ASCC2: variants seen among roughly 807,000 people sequenced by gnomAD.
ASCC2 encodes the protein activating signal cointegrator 1 complex subunit 2.
A neutral mutation model predicts 93.5 loss-of-function variants in ASCC2; 42 were observed. The observed-to-expected ratio is 0.45, with a 90% CI of 0.35 to 0.58. The LOEUF (loss-of-function observed/expected upper bound fraction) is 0.58, where lower values mean the gene tolerates loss of function less well. ASCC2 is among the 20% of genes least tolerant of loss of function. The probability of loss-of-function intolerance (pLI) is 0.00; values close to 1 mark genes in which losing one functional copy is unlikely to be tolerated. For synonymous variants in ASCC2, 364 were observed against 384.2 expected (o/e 0.95, Z 0.62); for missense variants, 859 against 977.6 (o/e 0.88, Z 1.62).
At chr22:29,791,485 G>C (rs2057738436) in intron 18 of ASCC2, among the ~76,000 whole-genome samples, 1 of 152,168 alleles carries the variant, frequency 6.6e-6, no homozygotes. Context: ...TTGGAGACCA[G>C]CCTGGCCAAC....
chr22:29,804,882 A>G (rs1307728790), intron 12 of ASCC2, 52 bp from the exon 13 acceptor site: 7 of 1,575,016 alleles, frequency 4.4e-6, no homozygotes, highest in African/African-American at 1.3e-5. Context: ...CTGAAGCAGC[A>G]TAATTTCTCA....
At chr22:29,820,309 C>G (rs1382642153) in intron 5 of ASCC2, among the ~76,000 whole-genome samples, 1 of 152,022 alleles carries the variant, frequency 6.6e-6, no homozygotes, top group Non-Finnish European at 1.5e-5. Context: ...ATTACAGGTG[C>G]ACACCACCAC....
At chr22:29,832,962 A>G (rs374711834) in intron 1 of ASCC2, among the ~76,000 whole-genome samples, 2 of 152,142 alleles carry the variant, frequency 1.3e-5, no homozygotes, top group African/African-American at 4.8e-5. Flanking sequence ...AGTTCTTACT[A>G]CATCACTCGG....
At chr22:29,831,672 CCTT>C (rs1245251080) in intron 2 of ASCC2, among the ~76,000 whole-genome samples, 1 of 152,200 alleles carries the variant, frequency 6.6e-6, no homozygotes, top group African/African-American at 2.4e-5. Context: ...ACATCTATCT[CCTT>C]CTTCAGCAGC....
At chr22:29,821,524 TC>T (rs2061550213) in intron 5 of ASCC2, among the ~76,000 whole-genome samples, 1 of 152,206 alleles carries the variant, frequency 6.6e-6, no homozygotes, top group African/African-American at 2.4e-5. Flanking sequence ...AGCACTTATC[TC>T]ACAGGGCTGC....
intron 8 of ASCC2, among the ~76,000 whole-genome samples, chr22:29,813,061 A>G (rs1053985396): frequency 3.3e-5 from 5 of 152,064 alleles, no homozygotes; most frequent in African/African-American, 1.2e-4. Flanking sequence ...TTGTATTTTT[A>G]GTAGAGATGG....
In ASCC2 at chr22:29,812,924, C is replaced by T. The variant is rs539121858; in HGVS notation, c.833+506G>A. 5.9e-5 allele frequency among the ~76,000 whole-genome samples: 9 copies of T among 151,914 alleles called. No individual in the cohort carries two copies. The South Asian group carries it at 1.9e-3, about 32-fold the overall frequency. On this transcript the variant is annotated intron_variant, in intron 8 of 19. Coordinates refer to ENST00000307790, the MANE Select transcript of ASCC2 (RefSeq NM_032204.5). ...TTAGATGGAGTCTTGCTCTGTCACC[C>T]AGGGTGGAGTGCAGTGGCGCGATCT...
chr22:29,818,922 C>G lies in ASCC2; in HGVS notation c.542-2849G>C, dbSNP rs559783750. On this transcript the variant is annotated intron_variant, in intron 5 of 19. Transcript: ENST00000307790. The stretch of plus-strand genomic sequence containing the variant: ...TCCTGGATTTCCTTTTCTTCCCCAG[C>G]AGCCCAGCCAGGCTCTCACCTTCAA... 6.6e-5 allele frequency among the ~76,000 whole-genome samples: 10 copies of G among 152,282 alleles called. No homozygotes were observed. In the South Asian group the frequency reaches 2.1e-3, roughly 32 times the overall value.
At chr22:29,807,123 TC>T (rs1208602781) in intron 9 of ASCC2, among the ~76,000 whole-genome samples, 1 of 150,776 alleles carries the variant, frequency 6.6e-6, no homozygotes, top group Non-Finnish European at 1.5e-5. Flanking sequence ...GGCCTGTAGT[TC>T]CAGCTCCTGG....
At chr22:29,803,658 T>G (rs553949738) in intron 13 of ASCC2, among the ~76,000 whole-genome samples, 1 of 152,354 alleles carries the variant, frequency 6.6e-6, no homozygotes, top group East Asian at 1.9e-4. Context: ...CTTTTTTAAG[T>G]AAGGGGCATG....
At chr22:29,831,196 T>G (rs971499359) in intron 2 of ASCC2, among the ~76,000 whole-genome samples, 9 of 152,206 alleles carry the variant, frequency 5.9e-5, no homozygotes, top group African/African-American at 2.2e-4. Flanking sequence ...ACTTCCAGAT[T>G]TTCTGATAAA....
intron 1 of ASCC2, among the ~76,000 whole-genome samples, chr22:29,837,267 G>GA (rs34319037): frequency 5.3e-4 from 77 of 143,956 alleles, no homozygotes; most frequent in African/African-American, 5.8e-4. Context: ...CGTCTCTACC[G>GA]AAAAAAAAAA....
At chr22:29,808,449 G>A (rs1382418170) in intron 8 of ASCC2, among the ~76,000 whole-genome samples, 2 of 152,138 alleles carry the variant, frequency 1.3e-5, no homozygotes, top group African/African-American at 4.8e-5. Context: ...ACTAACAGAG[G>A]AATCAGAAGG....
intron 8 of ASCC2, among the ~76,000 whole-genome samples, chr22:29,810,540 A>C (rs554984900): frequency 1.3e-5 from 2 of 152,362 alleles, no homozygotes; most frequent in African/African-American, 4.8e-5. Flanking sequence ...TGGCCTAAAC[A>C]GGTTCAGCTG....
At chr22:29,828,285 G>A (rs1214735032) in intron 2 of ASCC2, among the ~76,000 whole-genome samples, 2 of 152,176 alleles carry the variant, frequency 1.3e-5, no homozygotes, top group African/African-American at 2.4e-5. Context: ...TTTGGTGAAT[G>A]CTGGAATGGT....
rs568262158 is a variant in ASCC2, at chr22:29,791,938, T to C, written c.2022+495A>G. On this transcript the variant is annotated intron_variant, in intron 18 of 19. Transcript: ENST00000307790. ...GAATTTGTCACCCTGGTGTGGGGCA[T>C]GATCCCAGGTTGCTGCCCTGTCACC... is the stretch of plus-strand genomic sequence containing the variant. Among the ~76,000 whole-genome samples, 12 of 152,336 alleles carry C rather than the reference T, an allele frequency of 7.9e-5. No individual in the cohort carries two copies. The South Asian group carries it at 1.9e-3, about 24-fold the overall frequency.
At chr22:29,815,713 G>A (rs1240283314) in intron 6 of ASCC2, among the ~76,000 whole-genome samples, 1 of 152,124 alleles carries the variant, frequency 6.6e-6, no homozygotes, top group Non-Finnish European at 1.5e-5. Flanking sequence ...CTCTTAGAGG[G>A]ATATCCTTAG....
chr22:29,821,997 TTTTTTC>T, intron 5 of ASCC2: 2 of 424,068 alleles, frequency 4.7e-6, no homozygotes, highest in African/African-American at 2.2e-5. Flanking sequence ...AGGCTTTGTC[TTTTTTC>T]TTTTTTTTTG....
chr22:29,826,348 C>T (rs768936090), intron 2 of ASCC2, among the ~76,000 whole-genome samples: 4 of 151,816 alleles, frequency 2.6e-5, no homozygotes, highest in Admixed American at 6.6e-5. Context: ...ACAGGTCTCA[C>T]TCCCGTTGCC....
Sources: allele counts gnomAD v4.1 joint callset (sites outside exome capture counted in the v4.1 genomes callset), GRCh38; gene constraint gnomAD v4.1.1; transcripts MANE v1.5; gene names NCBI Gene and HGNC (gene_info 2026-07-23, HGNC 2026-07-21).